The following LRIG1 variants were observed in gnomAD, a reference collection of about 807,000 sequenced individuals.
LRIG1 encodes leucine rich repeats and immunoglobulin like domains 1, also known as leucine-rich repeats and immunoglobulin-like domains protein 1.
A neutral mutation model predicts 99.2 loss-of-function variants in LRIG1; 48 were observed. The ratio of observed to expected loss-of-function variants is 0.48; its 90% CI spans 0.38 to 0.62. LRIG1 has a LOEUF of 0.62. Among genes scored for constraint, LRIG1 ranks in the 20% least tolerant of loss-of-function variants. The pLI, the probability that LRIG1 is intolerant of heterozygous loss-of-function variation, is 0.00. For synonymous variants in LRIG1, 772 were observed against 596.1 expected, an observed-to-expected ratio of 1.29 and a Z score of -4.30; for missense variants, 1,646 against 1,434.4, an observed-to-expected ratio of 1.15 and a Z score of -2.38.
At chr3:66,457,763 T>C (rs933164552) in intron 2 of LRIG1, among the ~76,000 whole-genome samples, 3 of 152,074 alleles carry the variant, frequency 2.0e-5, no homozygotes, top group African/African-American at 7.2e-5. Flanking sequence ...AAATGAGAGT[T>C]TTTCCCACCA....
intron 8 of LRIG1, 27 bp from the exon 9 acceptor site, chr3:66,405,305 C>A (rs749674578): frequency 1.9e-6 from 3 of 1,587,142 alleles, no homozygotes; most frequent in Non-Finnish European, 2.6e-6. Context: ...AAGCAGCTCA[C>A]CGAGCAGTCG....
At chr3:66,417,627 C>A in intron 3 of LRIG1, 1 of 208,782 alleles carries the variant, frequency 4.8e-6, no homozygotes, top group South Asian at 8.2e-5. Context: ...AGCTCCAGTC[C>A]AACTCTCACC....
In LRIG1 at chr3:66,382,349, C is replaced by T. The variant is rs1471797675; in HGVS notation, c.2541G>A (p.Gly847=). The T allele has an allele frequency of 2.5e-6, 4 of 1,614,044 alleles. No individual in the cohort carries two copies. The East Asian group carries it at 8.9e-5, about 36-fold the overall frequency. ...PDVPSYLSSQ[G]TLSDRQETVV... ...CGGTTTCTTGTCGGTCAGAAAGGGT[C>T]CCCTGAGAAGAGAGGTAGCTTGGAA... Residue 847 remains glycine (G), a synonymous_variant, in exon 16 of 19, where the codon GGG becomes GGA. Transcript: ENST00000273261.
rs548906545 is a variant in LRIG1, at chr3:66,439,299, T to C, written c.365+12260A>G. 3.9e-5 allele frequency among the ~76,000 whole-genome samples: 6 copies of C among 152,382 alleles called. No individual in the cohort carries two copies. In the East Asian group the frequency reaches 1.2e-3, roughly 29 times the overall value. On this transcript the variant is annotated intron_variant, in intron 3 of 18. Coordinates refer to ENST00000273261, the MANE Select transcript of LRIG1 (RefSeq NM_015541.3). ...ATTACGAGGCAGAAAAACTTCACTA[T>C]GCATGCTGATAACCACTGTTTTTCC...
rs1701337427 is a variant in LRIG1 at position 66,500,623 on chromosome 3, C to T, written c.-216G>A. 6.1e-6 allele frequency: 2 copies of T among 329,024 alleles called. No homozygotes were observed. The highest frequency in any genetic ancestry group is 9.5e-5 in the East Asian group (2 of 21,152). 20.4% of individuals were successfully genotyped at this position (329,024 alleles called of 1,614,324 possible). On this transcript the variant is annotated 5_prime_UTR_variant, in exon 1 of 19. Coordinates refer to ENST00000273261, the MANE Select transcript of LRIG1 (RefSeq NM_015541.3). ...AGCACCCGGCGGGGGCCGCAAACCC[C>T]GCGCCCATCCGGGCCGGCCGGCCCG...
At chr3:66,404,028 T>C (rs189672630) in intron 9 of LRIG1, among the ~76,000 whole-genome samples, 33 of 152,236 alleles carry the variant, frequency 2.2e-4, no homozygotes, top group African/African-American at 6.0e-4. Context: ...CTGGGGAAAA[T>C]CAGCATTGTT....
chr3:66,406,857 T>C lies in LRIG1; in HGVS notation c.1079+491A>G, dbSNP rs1702286824. ...AAGTGCTGCTTTTGGAAAGGAGGCA[T>C]CTTGGTACAGGTTATGCTGAAGAAG... On this transcript the variant is annotated intron_variant, in intron 8 of 18. Coordinates refer to ENST00000273261, the MANE Select transcript of LRIG1 (RefSeq NM_015541.3). Among the ~76,000 whole-genome samples, 3 of 152,304 alleles carry C rather than the reference T, an allele frequency of 2.0e-5. No individual in the cohort carries two copies. The South Asian group carries it at 6.2e-4, about 32-fold the overall frequency.
intron 11 of LRIG1, among the ~76,000 whole-genome samples, chr3:66,394,480 G>A (rs1383187491): frequency 1.3e-5 from 2 of 152,182 alleles, no homozygotes; most frequent in African/African-American, 2.4e-5. Context: ...TGGGGCTGCT[G>A]ACCCAAGGAC....
intron 3 of LRIG1, among the ~76,000 whole-genome samples, chr3:66,426,933 A>C (rs984255986): frequency 3.9e-5 from 6 of 152,228 alleles, no homozygotes; most frequent in African/African-American, 1.4e-4. Flanking sequence ...CGAAATGGCA[A>C]ATCTACCACA....
Position 66,478,411 on chromosome 3 carries a change from A to G in LRIG1, c.219-15902T>C, listed in dbSNP as rs569003822. On this transcript the variant is annotated intron_variant, in intron 1 of 18. Coordinates refer to ENST00000273261, the MANE Select transcript of LRIG1 (RefSeq NM_015541.3). ...GAAAGCAGTGTCCTGGATACTATCA[A>G]GAAAGAAAACCCAACGGTAACTCAC... is the stretch of plus-strand genomic sequence containing the variant. 2.0e-5 allele frequency among the ~76,000 whole-genome samples: 3 copies of G among 152,336 alleles called. No homozygotes were observed. In the South Asian group the frequency reaches 6.2e-4, roughly 32 times the overall value.
chr3:66,434,755 T>TAAAAAA (rs71616222), intron 3 of LRIG1, among the ~76,000 whole-genome samples: 1 of 100,264 alleles, frequency 1.0e-5, no homozygotes, highest in African/African-American at 3.2e-5. Flanking sequence ...TCAAAAAAAT[T>TAAAAAA]AAAAAAAAAA....
chr3:66,412,925 T>C lies in LRIG1; in HGVS notation c.737A>G (p.Asn246Ser). 1 of 1,614,212 alleles carries C rather than the reference T, an allele frequency of 6.2e-7. No individual in the cohort carries two copies. Residue 246 changes from asparagine (N) to serine (S), a missense_variant, in exon 6 of 19, where the codon AAC becomes AGC. Physicochemically the swap from Asn to Ser is conservative, Grantham distance 46. Coordinates refer to ENST00000273261, the MANE Select transcript of LRIG1 (RefSeq NM_015541.3). ...SLEVLKLQRN[N>S]ISKLTDGAFW... ...GGCCCCATCTGTCAGTTTGCTGATGTTGTTTCGCTGAAGCTTCAGCACCTC... is the reference window on the plus strand; with the variant it reads ...GGCCCCATCTGTCAGTTTGCTGATGCTGTTTCGCTGAAGCTTCAGCACCTC...
intron 1 of LRIG1, among the ~76,000 whole-genome samples, chr3:66,476,595 A>C (rs1457840837): frequency 6.6e-6 from 1 of 152,148 alleles, no homozygotes; most frequent in Admixed American, 6.5e-5. Context: ...TCCTCAGTCA[A>C]ATCTGCTGGC....
rs55651719 is a variant in LRIG1 at position 66,408,913 on chromosome 3, A to AGTGTGTGTGTGTGTGT, written c.935+1200_935+1215dup. 5.0e-3 allele frequency among the ~76,000 whole-genome samples: 176 copies of AGTGTGTGTGTGTGTGT among 34,916 alleles called. 14 individuals are homozygous for AGTGTGTGTGTGTGTGT. Among genetic ancestry groups the AGTGTGTGTGTGTGTGT allele is most frequent in the East Asian group, 0.03 (21 of 694 alleles). 22.9% of individuals were successfully genotyped at this position (34,916 alleles called of 152,430 possible). ...GTCACCAAAATATAAACTCCAAGTCAGTGTGTGTGTGTGTGTGTGTGTGTG... is the reference window on the plus strand; with the variant it reads ...GTCACCAAAATATAAACTCCAAGTCAGTGTGTGTGTGTGTGTGTGTGTGTGTGTGTGTGTGTGTGTG... On this transcript the variant is annotated intron_variant, in intron 7 of 18. Coordinates refer to ENST00000273261, the MANE Select transcript of LRIG1 (RefSeq NM_015541.3).
chr3:66,461,672 T>C (rs1471874639), intron 2 of LRIG1, among the ~76,000 whole-genome samples: 1 of 152,212 alleles, frequency 6.6e-6, no homozygotes, highest in African/African-American at 2.4e-5. Context: ...TTTCTGTAGT[T>C]GCCAATTTTT....
chr3:66,481,546 TA>T (rs1700852715), intron 1 of LRIG1, among the ~76,000 whole-genome samples: 1 of 152,064 alleles, frequency 6.6e-6, no homozygotes, highest in African/African-American at 2.4e-5. Context: ...CACACGTGTA[TA>T]CACACACGCA....
At chr3:66,443,378 G>A (rs1441211044) in intron 3 of LRIG1, among the ~76,000 whole-genome samples, 1 of 149,684 alleles carries the variant, frequency 6.7e-6, no homozygotes, top group Non-Finnish European at 1.5e-5. Flanking sequence ...GGGTGTGTGT[G>A]TGCACAAATT....
At chr3:66,477,646 C>CA (rs1457791831) in intron 1 of LRIG1, among the ~76,000 whole-genome samples, 1 of 152,130 alleles carries the variant, frequency 6.6e-6, no homozygotes, top group Admixed American at 6.6e-5. Flanking sequence ...AAGGAGGGCC[C>CA]AATCCCCTCT....
At chr3:66,490,641 A>C (rs1391793614) in intron 1 of LRIG1, among the ~76,000 whole-genome samples, 2 of 16,348 alleles carry the variant, frequency 1.2e-4, no homozygotes, top group Non-Finnish European at 1.0e-3. Context: ...TCTGCCCCAT[A>C]ATTTAAAAAA....
Sources: allele counts gnomAD v4.1 joint callset (sites outside exome capture counted in the v4.1 genomes callset), GRCh38; gene constraint gnomAD v4.1.1; transcripts MANE v1.5; gene names NCBI Gene and HGNC (gene_info 2026-07-23, HGNC 2026-07-21).